The following CNTNAP1 variants were observed in gnomAD, a reference collection of about 807,000 sequenced individuals.
The protein encoded by CNTNAP1 is contactin associated protein 1, also known as contactin-associated protein 1.
Under a neutral mutation model 161.5 loss-of-function variants are expected in CNTNAP1, and 80 were observed. The ratio of observed to expected loss-of-function variants is 0.50; its 90% confidence interval spans 0.41 to 0.60. The LOEUF is 0.60. CNTNAP1 is among the 20% of genes least tolerant of loss of function. The probability of loss-of-function intolerance (pLI) is 0.00; values close to 1 mark genes in which losing one functional copy is unlikely to be tolerated. For synonymous variants in CNTNAP1, 695 were observed against 733.1 expected, an observed-to-expected ratio of 0.95 and a Z score of 0.84; for missense variants, 1,464 against 1,854.8, an observed-to-expected ratio of 0.79 and a Z score of 3.87.
rs1310087312 is a variant in CNTNAP1 at position 42,698,913 on chromosome 17, C to T, written c.*3C>T. 1 of 1,499,518 alleles carries T rather than the reference C, an allele frequency of 6.7e-7. No homozygotes were observed. The highest frequency in any genetic ancestry group is 1.3e-5 in the South Asian group (1 of 74,782). 92.9% of individuals were successfully genotyped at this position (1,499,518 alleles called of 1,614,324 possible). ...TGGAGGAGTCCAGGTCTGAATGAGT[C>T]AGAAGGGCTTCTGGGACCAATTCCA... On this transcript the variant is annotated 3_prime_UTR_variant, in exon 24 of 24. Transcript: ENST00000264638.
rs992186406 is a variant in CNTNAP1, at chr17:42,693,324, T to C, written c.2780T>C (p.Phe927Ser). The C allele has an allele frequency of 6.2e-7, 1 of 1,614,140 alleles. No individual in the cohort carries two copies. The highest frequency in any genetic ancestry group is 1.1e-5 in the South Asian group (1 of 91,080). The stretch of plus-strand genomic sequence containing the variant: ...TCTGCAGAGCTTAAGAGACGCCCCT[T>C]TGTGGGTTGCTTGAGGGCCATGCGT... ...VGSAELKRRP[F>S]VGCLRAMRLN... The change falls in exon 18 of 24, where the codon TTT becomes TCT. Residue 927 changes from phenylalanine (F) to serine (S), a missense_variant. This residue lies in a region of CNTNAP1 where 1,383 missense variants were observed against 1,765.0 expected (regional missense o/e 0.78). Coordinates refer to ENST00000264638, the MANE Select transcript of CNTNAP1 (RefSeq NM_003632.3).
chr17:42,694,701 G>A (rs1339883953), intron 18 of CNTNAP1, among the ~76,000 whole-genome samples: 1 of 151,790 alleles, frequency 6.6e-6, no homozygotes, highest in Admixed American at 6.6e-5. Context: ...GAACTCCCTT[G>A]TCAATGTATT....
chr17:42,691,910 G>T lies in CNTNAP1; in HGVS notation c.2449G>T (p.Ala817Ser), dbSNP rs1188388459. 6.2e-7 allele frequency: 1 copy of T among 1,614,152 alleles called. No individual in the cohort carries two copies. Among genetic ancestry groups the T allele is most frequent in the South Asian group, 1.1e-5 (1 of 91,080 alleles). ...LDVSFYFRTS[A>S]PSGVFLENMG... ...TGTCTCCTTCTACTTCAGGACCTCT[G>T]CTCCCTCGGGGGTCTTCCTAGAGAA... The change falls in exon 16 of 24, where the codon GCT becomes TCT. Residue 817 changes from alanine (A) to serine (S), a missense_variant. Around this residue, in one of 3 missense-constraint regions of CNTNAP1, gnomAD observed 1,383 missense variants for 1,765.0 expected, o/e 0.78. Transcript: ENST00000264638. This position sits in a 1 kb window ranked among gnomAD's most constrained non-coding sequence, Gnocchi z 4.3.
intron 10 of CNTNAP1, 28 bp downstream of exon 10, chr17:42,689,075 A>T (rs781281134): frequency 6.5e-7 from 1 of 1,531,964 alleles, no homozygotes; most frequent in South Asian, 1.3e-5. Flanking sequence ...ACAAGAGATG[A>T]CCCCTCCAAA....
In CNTNAP1 at chr17:42,697,633, C is replaced by A. The variant is rs778135782; in HGVS notation, c.3648C>A (p.Asn1216Lys). The change falls in exon 22 of 24, where the codon AAC (asparagine) becomes AAA (lysine). Residue 1216 changes from asparagine (N) to lysine (K), a missense_variant. By Grantham distance (94) the Asn-to-Lys change is moderately conservative. Transcript: ENST00000264638. ...FSGCLSGVRFNNVAPLKTHFR... is the reference protein window; with the variant it reads ...FSGCLSGVRFKNVAPLKTHFR... ...GCTGCCTGTCTGGTGTTCGATTCAA[C>A]AACGTGGCTCCCCTCAAGACCCACT... 2.5e-6 allele frequency: 4 copies of A among 1,614,052 alleles called. No homozygotes were observed. The highest frequency in any genetic ancestry group is 2.5e-6 in the Non-Finnish European group (3 of 1,180,026).
At chr17:42,684,010 G>A (rs139503391) in intron 2 of CNTNAP1, 26 bp from the exon 3 acceptor site, 3 of 1,613,426 alleles carry the variant, frequency 1.9e-6, no homozygotes, top group Non-Finnish European at 2.5e-6. Context: ...AGGGATAGCC[G>A]GTTAAAGCTC....
At chr17:42,688,759 T>C in intron 9 of CNTNAP1, 117 bp from the exon 10 acceptor site, 1 of 1,505,718 alleles carries the variant, frequency 6.6e-7, no homozygotes, top group Non-Finnish European at 9.1e-7. Flanking sequence ...CATTGCCATC[T>C]ACACTTTGGT....
In CNTNAP1 at chr17:42,689,645, TG is replaced by T; in HGVS notation, c.1735+24del. On this transcript the variant is annotated intron_variant, in intron 11 of 23. Transcript: ENST00000264638. Reference sequence around the variant, plus strand: ...CCACACACGTAAGCCAGATGTGGTATGGGGGGAGTCAGGGACAAGGGAGGTC... The same window carrying T: ...CCACACACGTAAGCCAGATGTGGTATGGGGGAGTCAGGGACAAGGGAGGTC... 2 of 1,600,652 alleles carry T rather than the reference TG, an allele frequency of 1.2e-6. No individual in the cohort carries two copies. The highest frequency in any genetic ancestry group is 1.7e-6 in the Non-Finnish European group (2 of 1,168,088).
Position 42,687,559 on chromosome 17 carries a change from C to A in CNTNAP1, c.1045-161C>A. ...GGTTGGGGCCCCCTCCACAGATGGA[C>A]GAGCTTGGAGGGGAAGAGGTCACGT... On this transcript the variant is annotated intron_variant, in intron 7 of 23. Transcript: ENST00000264638. This position sits in a 1 kb window ranked among gnomAD's most constrained non-coding sequence, Gnocchi z 4.7. The A allele has an allele frequency of 2.1e-6, 2 of 949,542 alleles. No homozygotes were observed. The highest frequency in any genetic ancestry group is 3.1e-6 in the Non-Finnish European group (2 of 635,368). The allele number at this position is 949,542 out of a possible 1,614,324, so 58.8% of individuals were successfully genotyped here.
intron 6 of CNTNAP1, 132 bp downstream of exon 6, chr17:42,686,273 T>C: frequency 1.1e-6 from 1 of 909,096 alleles, no homozygotes. Context: ...GGGTGGTGGC[T>C]CATGCCTGTA....
At chr17:42,695,912 C>T in intron 19 of CNTNAP1, 38 bp downstream of exon 19, 14 of 1,598,056 alleles carry the variant, frequency 8.8e-6, no homozygotes, top group Non-Finnish European at 1.2e-5. Context: ...ACTCCAGCTT[C>T]ACCCCGGTGC....
In CNTNAP1 at chr17:42,691,013, G is replaced by A. The variant is rs2053079473; in HGVS notation, c.2059+71G>A. 3.1e-6 allele frequency: 5 copies of A among 1,604,110 alleles called. No homozygotes were observed. Among genetic ancestry groups the A allele is most frequent in the African/African-American group, 1.3e-5 (1 of 74,870 alleles). On this transcript the variant is annotated intron_variant, in intron 13 of 23. Transcript: ENST00000264638. This position sits in a 1 kb window ranked among gnomAD's most constrained non-coding sequence, Gnocchi z 4.3. ...ATGGGGGCCTGGGAGAAGGAAGCCA[G>A]AGAGCCAGCTGGGGCCTTGGGTTGG...
chr17:42,699,112 A>C lies in CNTNAP1; in HGVS notation c.*202A>C. ...TGGCCGAGCCTCACTGCCTAAACCA[A>C]TGCCCTTCTCATCCCTGTTTCCCCA... On this transcript the variant is annotated 3_prime_UTR_variant, in exon 24 of 24. Coordinates refer to ENST00000264638, the MANE Select transcript of CNTNAP1 (RefSeq NM_003632.3). 1.5e-4 allele frequency: 64 copies of C among 422,658 alleles called. No individual in the cohort carries two copies. Among genetic ancestry groups the C allele is most frequent in the East Asian group, 3.2e-4 (8 of 25,094 alleles). 26.2% of individuals were successfully genotyped at this position (422,658 alleles called of 1,614,324 possible).
intron 6 of CNTNAP1, 57 bp from the exon 7 acceptor site, chr17:42,686,846 G>A: frequency 6.5e-7 from 1 of 1,532,660 alleles, no homozygotes; most frequent in South Asian, 1.2e-5. Context: ...GGGGACGCGC[G>A]AGAAAGGCAG....
At chr17:42,698,450 T>C (rs1345670537) in intron 23 of CNTNAP1, among the ~76,000 whole-genome samples, 168 bp from the exon 24 acceptor site, 1 of 121,046 alleles carries the variant, frequency 8.3e-6, no homozygotes, top group Non-Finnish European at 1.6e-5. Flanking sequence ...AGTAAATGTG[T>C]GTGTGTGTGT....
rs2143641525 is a variant in CNTNAP1, at chr17:42,682,686, A to G, written c.-144A>G. ...GGAGAGACAGAGCGCTTGGGGGCGAAAGGAGAGAGGGAGGGAAGGGTGGGT... is the reference window on the plus strand; with the variant it reads ...GGAGAGACAGAGCGCTTGGGGGCGAGAGGAGAGAGGGAGGGAAGGGTGGGT... On this transcript the variant is annotated 5_prime_UTR_variant, in exon 1 of 24. Coordinates refer to ENST00000264638, the MANE Select transcript of CNTNAP1 (RefSeq NM_003632.3). The G allele has an allele frequency of 1.3e-6, 1 of 746,686 alleles. No individual in the cohort carries two copies. The highest frequency in any genetic ancestry group is 1.6e-5 in the South Asian group (1 of 62,276). 46.3% of individuals were successfully genotyped at this position (746,686 alleles called of 1,614,324 possible).
intron 3 of CNTNAP1, among the ~76,000 whole-genome samples, 158 bp downstream of exon 3, chr17:42,684,387 C>T (rs1461958744): frequency 6.6e-6 from 1 of 152,156 alleles, no homozygotes; most frequent in African/African-American, 2.4e-5. Flanking sequence ...GGACTGTCAG[C>T]TTAGGACGTG....
intron 17 of CNTNAP1, among the ~76,000 whole-genome samples, 155 bp downstream of exon 17, chr17:42,692,875 CCTATT>C (rs1359194488): frequency 6.6e-6 from 1 of 152,084 alleles, no homozygotes; most frequent in Non-Finnish European, 1.5e-5. Context: ...GCCTTTGTAT[CCTATT>C]CTATTCTTCC....
In CNTNAP1 at chr17:42,691,577, G is replaced by A. The variant is rs777232580; in HGVS notation, c.2344+66G>A. 1.4e-5 allele frequency: 22 copies of A among 1,595,884 alleles called. No individual in the cohort carries two copies. The highest frequency in any genetic ancestry group is 2.7e-5 in the African/African-American group (2 of 74,458). ...CTCTCCAGTTTCCAAAATCTAGGCC[G>A]CATGTCACTGGTGGTCTCTAGCTGG... On this transcript the variant is annotated intron_variant, in intron 15 of 23. Coordinates refer to ENST00000264638, the MANE Select transcript of CNTNAP1 (RefSeq NM_003632.3). The surrounding 1 kb of genome is among the most constrained non-coding windows in gnomAD (Gnocchi z 4.3).
Sources: allele counts gnomAD v4.1 joint callset (sites outside exome capture counted in the v4.1 genomes callset), GRCh38; gene constraint gnomAD v4.1.1; regional missense constraint gnomAD v4.1.1; non-coding constraint Gnocchi (gnomAD v3.1); transcripts MANE v1.5; gene names NCBI Gene and HGNC (gene_info 2026-07-23, HGNC 2026-07-21).